The following UGGT2 variants were observed in gnomAD, a reference collection of about 807,000 sequenced individuals.
UGGT2 encodes the protein UDP-glucose:glycoprotein glucosyltransferase 2.
Under a neutral mutation model 192.1 loss-of-function variants are expected in UGGT2, and 180 were observed. The observed-to-expected ratio is 0.94, with a 90% confidence interval of 0.83 to 1.06. The LOEUF is 1.06. Among genes scored for constraint, UGGT2 ranks in the 50% least tolerant of loss-of-function variants. The pLI is 0.00. For missense variants in UGGT2, 1,849 were observed against 1,795.7 expected (o/e 1.03, Z -0.54); for synonymous variants, 580 against 591.0 (o/e 0.98, Z 0.27).
intron 10 of UGGT2, among the ~76,000 whole-genome samples, chr13:95,979,432 C>A (rs765862000): frequency 2.0e-5 from 3 of 151,202 alleles, no homozygotes; most frequent in Non-Finnish European, 4.4e-5. Flanking sequence ...CCCGTTTCAT[C>A]CCTGGCTCTT....
At chr13:95,822,463 G>A (rs191693500) in intron 38 of UGGT2, among the ~76,000 whole-genome samples, 17 of 152,090 alleles carry the variant, frequency 1.1e-4, no homozygotes, top group Non-Finnish European at 1.5e-5. Context: ...GGGTTTTCTA[G>A]GTAGATGGTC....
intron 36 of UGGT2, among the ~76,000 whole-genome samples, chr13:95,844,105 T>A (rs568689663): frequency 2.0e-5 from 3 of 151,984 alleles, no homozygotes; most frequent in Non-Finnish European, 4.4e-5. Flanking sequence ...GAATTACAGG[T>A]GCCCGCCACC....
intron 38 of UGGT2, among the ~76,000 whole-genome samples, chr13:95,809,861 T>A (rs747900515): frequency 6.6e-6 from 1 of 152,266 alleles, no homozygotes; most frequent in Non-Finnish European, 1.5e-5. Context: ...AGTTGTCACA[T>A]AATGACTTTT....
At chr13:95,886,135 A>G (rs2047640321) in intron 26 of UGGT2, among the ~76,000 whole-genome samples, 1 of 152,220 alleles carries the variant, frequency 6.6e-6, no homozygotes, top group South Asian at 2.1e-4. Flanking sequence ...TGTTTAACTA[A>G]AAAAGAAGAA....
chr13:95,869,228 T>C (rs1284290131), intron 29 of UGGT2, among the ~76,000 whole-genome samples: 1 of 152,112 alleles, frequency 6.6e-6, no homozygotes, highest in Non-Finnish European at 1.5e-5. Context: ...CATCATTTTT[T>C]ATGGCTGCAT....
At position 96,013,303 on chromosome 13, in the gene UGGT2, A is replaced by C; in HGVS notation, c.660+4T>G. ...AAGCAACCTTGGAAAAAACAAGCGCATACCTGAATATAATGGCGAAGAACA... is the reference window on the plus strand; with the variant it reads ...AAGCAACCTTGGAAAAAACAAGCGCCTACCTGAATATAATGGCGAAGAACA... On this transcript the variant is annotated splice_donor_region_variant and intron_variant, in intron 5 of 38. Coordinates refer to ENST00000376747, the MANE Select transcript of UGGT2 (RefSeq NM_020121.4). The C allele has an allele frequency of 6.4e-7, 1 of 1,569,890 alleles. No homozygotes were observed. Among genetic ancestry groups the C allele is most frequent in the Non-Finnish European group, 8.6e-7 (1 of 1,167,076 alleles).
intron 38 of UGGT2, among the ~76,000 whole-genome samples, chr13:95,814,038 T>TA (rs755810589): frequency 1.1e-4 from 17 of 152,124 alleles, no homozygotes; most frequent in Non-Finnish European, 1.6e-4. Flanking sequence ...GAGAATGTAT[T>TA]AAAAAAAGTC....
chr13:96,016,469 C>G (rs551849012), intron 4 of UGGT2, among the ~76,000 whole-genome samples: 1 of 152,344 alleles, frequency 6.6e-6, no homozygotes, highest in East Asian at 1.9e-4. Context: ...CATCCAGCTG[C>G]TCCAGTTCCA....
intron 38 of UGGT2, among the ~76,000 whole-genome samples, chr13:95,830,736 T>G (rs1463096919): frequency 3.3e-5 from 5 of 152,186 alleles, no homozygotes; most frequent in Non-Finnish European, 7.3e-5. Context: ...CTCAAGGATC[T>G]AAAACTAGAA....
In UGGT2 at chr13:95,868,244, G is replaced by C. The variant is rs1009989360; in HGVS notation, c.3474-821C>G. Reference sequence around the variant, plus strand: ...TGACTTTCTCTTACTCCCAATTCCTGAGCTGAGGTGGTTAAACCAATGTAG... The same window carrying C: ...TGACTTTCTCTTACTCCCAATTCCTCAGCTGAGGTGGTTAAACCAATGTAG... On this transcript the variant is annotated intron_variant, in intron 29 of 38. Transcript: ENST00000376747. Among the ~76,000 whole-genome samples, 3 of 152,152 alleles carry C rather than the reference G, an allele frequency of 2.0e-5. No individual in the cohort carries two copies. The East Asian group carries it at 5.8e-4, about 29-fold the overall frequency.
At chr13:96,045,660 A>G (rs1433559693) in intron 1 of UGGT2, among the ~76,000 whole-genome samples, 1 of 152,248 alleles carries the variant, frequency 6.6e-6, no homozygotes, top group Non-Finnish European at 1.5e-5. Context: ...AAATTAATGT[A>G]CACAAATCAG....
At chr13:95,960,872 G>T (rs2050368948) in intron 12 of UGGT2, among the ~76,000 whole-genome samples, 1 of 152,116 alleles carries the variant, frequency 6.6e-6, no homozygotes, top group South Asian at 2.1e-4. Context: ...AGGAGAAAAT[G>T]GCATGATATA....
chr13:95,940,085 G>A lies in UGGT2; in HGVS notation c.1684C>T (p.Gln562Ter). 6.8e-7 allele frequency: 1 copy of A among 1,466,540 alleles called. No homozygotes were observed. The highest frequency in any genetic ancestry group is 9.1e-7 in the Non-Finnish European group (1 of 1,096,780). 90.8% of individuals were successfully genotyped at this position (1,466,540 alleles called of 1,614,324 possible). The change falls in exon 16 of 39, where the codon CAA becomes TAA. Residue 562 changes from glutamine to a stop codon, truncating the protein, a stop_gained. Coordinates refer to ENST00000376747, the MANE Select transcript of UGGT2 (RefSeq NM_020121.4). LOFTEE classifies it high-confidence loss of function. ...ATATTTTGATCCTTCTTCACTTTTT[G>A]GTACATCTGTGAAAATTTAGATATT... is the stretch of plus-strand genomic sequence containing the variant. ...EAFISIVHMY[Q>*]KVKKDQNILT...
chr13:95,830,435 A>C (rs1467191323), intron 38 of UGGT2, among the ~76,000 whole-genome samples: 1 of 152,206 alleles, frequency 6.6e-6, no homozygotes, highest in Non-Finnish European at 1.5e-5. Flanking sequence ...AATTTACAAG[A>C]AAAAATCAAA....
intron 1 of UGGT2, among the ~76,000 whole-genome samples, chr13:96,034,244 A>G (rs1254926265): frequency 6.6e-6 from 1 of 152,050 alleles, no homozygotes; most frequent in Non-Finnish European, 1.5e-5. Context: ...CTCTCAGCTG[A>G]GGGCTGCAGA....
chr13:95,932,311 TTGTGTGTGTGTG>T (rs67135742), intron 17 of UGGT2, among the ~76,000 whole-genome samples: 47 of 139,508 alleles, frequency 3.4e-4, no homozygotes, highest in South Asian at 3.1e-3. Flanking sequence ...GGTATTTTAT[TTGTGTGTGTGTG>T]TGTGTGTGTG....
chr13:95,863,073 G>A (rs1170471888), intron 31 of UGGT2, among the ~76,000 whole-genome samples: 1 of 151,996 alleles, frequency 6.6e-6, no homozygotes, highest in Non-Finnish European at 1.5e-5. Flanking sequence ...ATGTTGCCCA[G>A]GCTAGTTTTG....
intron 38 of UGGT2, among the ~76,000 whole-genome samples, chr13:95,802,097 T>A (rs966829853): frequency 1.3e-5 from 2 of 152,236 alleles, no homozygotes; most frequent in African/African-American, 4.8e-5. Context: ...ATCTTTAGGA[T>A]CTAGCATCCT....
intron 12 of UGGT2, among the ~76,000 whole-genome samples, chr13:95,967,483 T>G (rs1184349548): frequency 5.3e-5 from 8 of 150,838 alleles, no homozygotes; most frequent in Non-Finnish European, 1.0e-4. Flanking sequence ...TTTGTTTTTT[T>G]TTTTTTTTGA....
Sources: allele counts gnomAD v4.1 joint callset (sites outside exome capture counted in the v4.1 genomes callset), GRCh38; gene constraint gnomAD v4.1.1; transcripts MANE v1.5; gene names NCBI Gene and HGNC (gene_info 2026-07-23, HGNC 2026-07-21).